NCOA3: variants seen among roughly 807,000 people sequenced by gnomAD.
The protein encoded by NCOA3 is nuclear receptor coactivator 3.
NCOA3 carries 51 observed loss-of-function variants against 158.8 expected under a neutral mutation model. The ratio of observed to expected loss-of-function variants is 0.32; its 90% CI spans 0.26 to 0.41. NCOA3 has a LOEUF of 0.41. Ranked by LOEUF, NCOA3 falls within the 10% of genes least tolerant of loss-of-function variation. NCOA3 has a pLI of 1.00. For missense variants in NCOA3, 1,510 were observed against 1,746.6 expected (o/e 0.86, Z 2.41); for synonymous variants, 537 against 592.4 (o/e 0.91, Z 1.36).
At chr20:47,549,703 C>T (rs1399612801) in intron 1 of NCOA3, among the ~76,000 whole-genome samples, 1 of 151,800 alleles carries the variant, frequency 6.6e-6, no homozygotes, top group Non-Finnish European at 1.5e-5. Flanking sequence ...AATTCTTCTT[C>T]TTTCTTCTCT....
intron 1 of NCOA3, among the ~76,000 whole-genome samples, chr20:47,558,022 A>G (rs939687392): frequency 2.0e-5 from 3 of 149,468 alleles, no homozygotes; most frequent in African/African-American, 4.9e-5. Flanking sequence ...GTGTCTTCAC[A>G]TGGTTTTCTC....
intron 1 of NCOA3, among the ~76,000 whole-genome samples, chr20:47,546,766 G>A (rs2084836388): frequency 6.6e-6 from 1 of 151,986 alleles, no homozygotes; most frequent in Non-Finnish European, 1.5e-5. Flanking sequence ...CCCTAACTCA[G>A]GTGATCTTCC....
chr20:47,642,223 A>G lies in NCOA3; in HGVS notation c.3091A>G (p.Arg1031Gly). The G allele has an allele frequency of 6.3e-7, 1 of 1,583,586 alleles. No homozygotes were observed. Among genetic ancestry groups the G allele is most frequent in the South Asian group, 1.2e-5 (1 of 85,316 alleles). ...CAAGTCTTTTTCTAGGCCTCTTCTT[A>G]GGAATTCCCTGGATGATCTTGTTGG... ...SHGTQNRPLLRNSLDDLVGPP... is the reference protein window; with the variant it reads ...SHGTQNRPLLGNSLDDLVGPP... The change falls in exon 17 of 23, where the codon AGG (arginine) becomes GGG (glycine). Residue 1031 changes from arginine to glycine, a missense_variant. Transcript: ENST00000371998.
At chr20:47,502,338 C>G (rs866296935) in intron 1 of NCOA3, among the ~76,000 whole-genome samples, 1 of 152,120 alleles carries the variant, frequency 6.6e-6, no homozygotes, top group African/African-American at 2.4e-5. Context: ...GCCCACTTTC[C>G]CCTTCTGTCC....
chr20:47,529,784 T>C (rs2084516247), intron 1 of NCOA3, among the ~76,000 whole-genome samples: 1 of 152,246 alleles, frequency 6.6e-6, no homozygotes, highest in Non-Finnish European at 1.5e-5. Context: ...TCTGAATTAT[T>C]CTTTCTCTCA....
intron 2 of NCOA3, among the ~76,000 whole-genome samples, chr20:47,601,006 T>G (rs577258774): frequency 5.3e-5 from 8 of 152,310 alleles, no homozygotes; most frequent in African/African-American, 1.9e-4. Flanking sequence ...TTAGTCTGCT[T>G]TCTGGTGTTC....
intron 1 of NCOA3, among the ~76,000 whole-genome samples, chr20:47,512,137 A>G (rs1210861112): frequency 6.6e-6 from 1 of 152,162 alleles, no homozygotes; most frequent in Non-Finnish European, 1.5e-5. Flanking sequence ...CAATATAGTG[A>G]GACCCCATCC....
At chr20:47,629,125 G>A (rs971980235) in intron 8 of NCOA3, among the ~76,000 whole-genome samples, 1 of 152,130 alleles carries the variant, frequency 6.6e-6, no homozygotes, top group African/African-American at 2.4e-5. Flanking sequence ...TATTACATAT[G>A]TATGTGTGTG....
intron 2 of NCOA3, among the ~76,000 whole-genome samples, chr20:47,617,548 C>T (rs1183559674): frequency 6.6e-6 from 1 of 152,144 alleles, no homozygotes; most frequent in Admixed American, 6.5e-5. Context: ...ATATCTTAAT[C>T]TACCAAAATA....
chr20:47,542,043 G>A, intron 1 of NCOA3, among the ~76,000 whole-genome samples: 1 of 36,752 alleles, frequency 2.7e-5, no homozygotes, highest in African/African-American at 1.1e-4. Flanking sequence ...TGTTGTTGTT[G>A]TTGGAGGGAC....
intron 4 of NCOA3, 120 bp from the exon 5 acceptor site, chr20:47,625,261 T>C (rs2086303566): frequency 1.6e-6 from 1 of 632,024 alleles, no homozygotes; most frequent in Admixed American, 2.9e-5. Context: ...AGGAAATGTT[T>C]TGTATGTATG....
chr20:47,651,409 A>C, intron 20 of NCOA3, 133 bp downstream of exon 20: 1 of 1,386,598 alleles, frequency 7.2e-7, no homozygotes, highest in Non-Finnish European at 9.6e-7. Flanking sequence ...AACCAAATTA[A>C]TTTAAATGAT....
intron 1 of NCOA3, among the ~76,000 whole-genome samples, chr20:47,579,979 G>A (rs1019196300): frequency 2.6e-5 from 4 of 152,138 alleles, no homozygotes; most frequent in Admixed American, 6.5e-5. Flanking sequence ...CTGCCATGTG[G>A]TGTCTGCTCT....
chr20:47,521,261 G>A (rs1278334411), intron 1 of NCOA3, among the ~76,000 whole-genome samples: 2 of 152,198 alleles, frequency 1.3e-5, no homozygotes, highest in Non-Finnish European at 2.9e-5. Flanking sequence ...GACCGCCCCC[G>A]GAGGGGAATG....
chr20:47,576,438 C>A (rs957920450), intron 1 of NCOA3, among the ~76,000 whole-genome samples: 20 of 152,124 alleles, frequency 1.3e-4, no homozygotes, highest in African/African-American at 4.8e-4. Flanking sequence ...TGTCTTGATA[C>A]TAGCATTAAT....
At chr20:47,565,869 T>A (rs748820675) in intron 1 of NCOA3, among the ~76,000 whole-genome samples, 47 of 152,226 alleles carry the variant, frequency 3.1e-4, no homozygotes, top group Non-Finnish European at 5.4e-4. Flanking sequence ...TAACTTCTTA[T>A]ACTTCCTAAA....
intron 1 of NCOA3, among the ~76,000 whole-genome samples, chr20:47,578,278 G>A (rs930507121): frequency 4.6e-5 from 7 of 151,728 alleles, no homozygotes; most frequent in African/African-American, 9.6e-5. Flanking sequence ...CTCTGCCTAC[G>A]GGGTTCAAGC....
At chr20:47,574,481 TA>T (rs1459380409) in intron 1 of NCOA3, among the ~76,000 whole-genome samples, 1 of 147,704 alleles carries the variant, frequency 6.8e-6, no homozygotes, top group Non-Finnish European at 1.5e-5. Context: ...CTACTATGTA[TA>T]TTTTGATTTT....
At chr20:47,585,730 C>G (rs1008795174) in intron 2 of NCOA3, among the ~76,000 whole-genome samples, 3 of 152,138 alleles carry the variant, frequency 2.0e-5, no homozygotes, top group Admixed American at 2.0e-4. Flanking sequence ...ATGTTGTGCT[C>G]TAAGTTTTGT....
Sources: allele counts gnomAD v4.1 joint callset (sites outside exome capture counted in the v4.1 genomes callset), GRCh38; gene constraint gnomAD v4.1.1; transcripts MANE v1.5; gene names NCBI Gene and HGNC (gene_info 2026-07-23, HGNC 2026-07-21).